Variants in NDST3 observed in about 807,000 individuals in gnomAD.
The protein encoded by NDST3 is N-deacetylase and N-sulfotransferase 3.
NDST3 carries 58 observed loss-of-function variants against 96.1 expected under a neutral mutation model. The observed-to-expected ratio is 0.60, with a 90% CI of 0.49 to 0.75. The LOEUF (loss-of-function observed/expected upper bound fraction) is 0.75. Among genes scored for constraint, NDST3 ranks in the 30% least tolerant of loss-of-function variants. NDST3 has a pLI of 0.00. For synonymous variants in NDST3, 333 were observed against 359.7 expected (o/e 0.93, Z 0.84); for missense variants, 788 against 1,034.2 (o/e 0.76, Z 3.27).
chr4:118,085,554 G>T (rs1728353871), intron 2 of NDST3, among the ~76,000 whole-genome samples: 1 of 152,200 alleles, frequency 6.6e-6, no homozygotes, highest in Non-Finnish European at 1.5e-5. Flanking sequence ...TGAAAAAAAT[G>T]CTGCAACCTT....
At chr4:118,137,672 A>G (rs952158854) in intron 4 of NDST3, among the ~76,000 whole-genome samples, 2 of 152,134 alleles carry the variant, frequency 1.3e-5, no homozygotes, top group Non-Finnish European at 2.9e-5. Flanking sequence ...TCTAATAAAC[A>G]TTGGTTTTAT....
intron 6 of NDST3, among the ~76,000 whole-genome samples, chr4:118,200,130 G>T (rs919768883): frequency 3.3e-5 from 5 of 152,208 alleles, no homozygotes; most frequent in African/African-American, 1.2e-4. Flanking sequence ...TCCCTTGAGG[G>T]TGATGAGTTT....
At position 118,054,464 on chromosome 4, in the gene NDST3, A is replaced by G. The variant is rs775585437; in HGVS notation, c.554A>G (p.Tyr185Cys). Residue 185 changes from tyrosine to cysteine, a missense_variant, in exon 2 of 14, where the codon TAT becomes TGT. Around this residue, in one of 3 missense-constraint regions of NDST3, gnomAD observed 234 missense variants for 256.9 expected, o/e 0.91. Coordinates refer to ENST00000296499, the MANE Select transcript of NDST3 (RefSeq NM_004784.3). ...FQLKGFPFSI[Y>C]GNLAVKDCCI... ...TTAAAAGGTTTCCCTTTTTCCATAT[A>G]TGGAAATCTTGCAGTAAAAGATTGT... 4 of 1,612,968 alleles carry G rather than the reference A, an allele frequency of 2.5e-6. No homozygotes were observed. Among genetic ancestry groups the G allele is most frequent in the Non-Finnish European group, 3.4e-6 (4 of 1,179,358 alleles).
Position 118,105,050 on chromosome 4 carries a change from A to T in NDST3, c.1014A>T (p.Ala338=), listed in dbSNP as rs35147253. Residue 338 remains alanine (A), a synonymous_variant, in exon 3 of 14, where the codon GCA becomes GCT. Transcript: ENST00000296499. The stretch of plus-strand genomic sequence containing the variant: ...TTGATACTCAGAATCTTTTGCGTGC[A>T]CAAATCACAAATTTTACATTCAACC... ...ALLDTQNLLR[A]QITNFTFNLG... is the part of the protein sequence containing the mutation. 2,418 of 1,613,526 alleles carry T rather than the reference A, an allele frequency of 1.5e-3. 36 individuals are homozygous for T. In the African/African-American group the frequency reaches 0.028, roughly 19 times the overall value.
At chr4:118,111,686 G>A (rs535239465) in intron 3 of NDST3, among the ~76,000 whole-genome samples, 4 of 152,022 alleles carry the variant, frequency 2.6e-5, no homozygotes, top group South Asian at 2.1e-4. Flanking sequence ...ACAGGTGCCC[G>A]CCACCATGCC....
intron 6 of NDST3, among the ~76,000 whole-genome samples, chr4:118,145,021 G>A (rs572238343): frequency 1.3e-5 from 2 of 152,308 alleles, no homozygotes; most frequent in Admixed American, 1.3e-4. Context: ...TAGTTTGGAG[G>A]AATGTGATAT....
intron 4 of NDST3, among the ~76,000 whole-genome samples, chr4:118,126,223 A>G (rs1468674535): frequency 6.6e-6 from 1 of 151,978 alleles, no homozygotes; most frequent in Non-Finnish European, 1.5e-5. Flanking sequence ...CATGCTTTCT[A>G]ATTATATTTT....
At chr4:118,122,975 G>C (rs1731731066) in intron 4 of NDST3, among the ~76,000 whole-genome samples, 1 of 152,074 alleles carries the variant, frequency 6.6e-6, no homozygotes, top group Non-Finnish European at 1.5e-5. Context: ...TAACAACCAT[G>C]GTTTGTAAAA....
At chr4:118,183,015 C>T (rs1736702922) in intron 6 of NDST3, among the ~76,000 whole-genome samples, 1 of 151,834 alleles carries the variant, frequency 6.6e-6, no homozygotes, top group South Asian at 2.1e-4. Context: ...CTACTCATAC[C>T]AAACAAACAA....
chr4:118,110,554 C>G (rs1730552751), intron 3 of NDST3, among the ~76,000 whole-genome samples: 1 of 152,016 alleles, frequency 6.6e-6, no homozygotes, highest in South Asian at 2.1e-4. Context: ...CATAACAACA[C>G]AACATAAACT....
chr4:118,214,927 A>G (rs1739093959), intron 6 of NDST3, among the ~76,000 whole-genome samples: 1 of 152,166 alleles, frequency 6.6e-6, no homozygotes, highest in African/African-American at 2.4e-5. Flanking sequence ...TTTATTGAGC[A>G]TCTACCATGT....
chr4:118,229,441 TAGTTG>T (rs1459403124), intron 8 of NDST3, among the ~76,000 whole-genome samples: 2 of 152,266 alleles, frequency 1.3e-5, no homozygotes, highest in Admixed American at 1.3e-4. Flanking sequence ...TATGATTATG[TAGTTG>T]AGTTACCACT....
intron 2 of NDST3, among the ~76,000 whole-genome samples, chr4:118,067,745 T>C (rs1228079468): frequency 1.3e-5 from 2 of 151,962 alleles, no homozygotes; most frequent in Non-Finnish European, 2.9e-5. Flanking sequence ...ATTGACACAA[T>C]GTCAGTGTGG....
chr4:118,092,578 T>C (rs931405918), intron 2 of NDST3, among the ~76,000 whole-genome samples: 1 of 151,816 alleles, frequency 6.6e-6, no homozygotes, highest in African/African-American at 2.4e-5. Context: ...TCTGGAAATA[T>C]CTTTCCACAA....
At chr4:118,243,572 T>C (rs1030700455) in intron 12 of NDST3, among the ~76,000 whole-genome samples, 1 of 152,208 alleles carries the variant, frequency 6.6e-6, no homozygotes, top group African/African-American at 2.4e-5. Flanking sequence ...GAAAGCTGAG[T>C]GATTTCAGTT....
chr4:118,236,095 T>G (rs2126002572), intron 9 of NDST3, among the ~76,000 whole-genome samples: 1 of 152,334 alleles, frequency 6.6e-6, no homozygotes, highest in East Asian at 1.9e-4. Flanking sequence ...ATTATTGAAC[T>G]ACCTTGTCTT....
At chr4:118,058,193 G>A (rs1725587989) in intron 2 of NDST3, among the ~76,000 whole-genome samples, 1 of 151,844 alleles carries the variant, frequency 6.6e-6, no homozygotes, top group South Asian at 2.1e-4. Context: ...AAATTGGAAG[G>A]AGAGTGCAAG....
intron 12 of NDST3, among the ~76,000 whole-genome samples, chr4:118,242,646 T>A (rs1374853237): frequency 1.3e-5 from 2 of 152,236 alleles, no homozygotes; most frequent in Non-Finnish European, 2.9e-5. Context: ...ACGTCCTTTT[T>A]TATTTTTTCA....
chr4:118,082,899 C>T (rs1328501827), intron 2 of NDST3, among the ~76,000 whole-genome samples: 1 of 152,086 alleles, frequency 6.6e-6, no homozygotes, highest in South Asian at 2.1e-4. Flanking sequence ...GAAGTAGGCA[C>T]ATCTTACATG....
Sources: gnomAD v4.1 joint callset for allele counts (sites outside exome capture counted in the v4.1 genomes callset) on GRCh38, gnomAD v4.1.1 for gene constraint, gnomAD v4.1.1 regional missense constraint, MANE v1.5 for transcripts, NCBI Gene and HGNC (gene_info 2026-07-23, HGNC 2026-07-21) for gene names.